The following UBE3C variants were observed in gnomAD, a reference collection of about 807,000 sequenced individuals.
UBE3C encodes ubiquitin protein ligase E3C.
In UBE3C, 42 loss-of-function variants were observed where a neutral mutation model predicts 129.4. That is an observed-to-expected ratio of 0.32 (90% CI 0.25 to 0.42). UBE3C has a LOEUF of 0.42. UBE3C is among the 10% of genes least tolerant of loss of function. The probability of loss-of-function intolerance (pLI) is 1.00; values close to 1 mark genes in which losing one functional copy is unlikely to be tolerated. For synonymous variants in UBE3C, 510 were observed against 492.4 expected, an observed-to-expected ratio of 1.04 and a Z score of -0.47; for missense variants, 1,049 against 1,319.1, an observed-to-expected ratio of 0.80 and a Z score of 3.17.
At position 157,231,074 on chromosome 7, in the gene UBE3C, TAACA is replaced by T; in HGVS notation, c.2234-5_2234-2del. 6.2e-7 allele frequency: 1 copy of T among 1,611,386 alleles called. No homozygotes were observed. The highest frequency in any genetic ancestry group is 1.7e-5 in the Admixed American group (1 of 59,570). On this transcript the variant is annotated splice_acceptor_variant and splice_polypyrimidine_tract_variant and intron_variant, in intron 17 of 22. Coordinates refer to ENST00000348165, the MANE Select transcript of UBE3C (RefSeq NM_014671.3). LOFTEE classifies it high-confidence loss of function. ...TCCTCCTCACCCTCCCATTTTTTTT[TAACA>T]GAGCCTGATTTGAAAAAGCGGATCC...
At position 157,258,636 on chromosome 7, in the gene UBE3C, T is replaced by C. The variant is rs571218340; in HGVS notation, c.3081+1592T>C. Among the ~76,000 whole-genome samples the C allele has an allele frequency of 1.8e-4, 27 of 152,262 alleles. 1 individual carries two copies. The South Asian group carries it at 5.6e-3, about 32-fold the overall frequency. Reference sequence around the variant, plus strand: ...CTCCATGCCCGGCTAATTTTTGTATTTTTAGTAGAGACGGGGTTTCACCAT... The same window carrying C: ...CTCCATGCCCGGCTAATTTTTGTATCTTTAGTAGAGACGGGGTTTCACCAT... On this transcript the variant is annotated intron_variant, in intron 22 of 22. Coordinates refer to ENST00000348165, the MANE Select transcript of UBE3C (RefSeq NM_014671.3).
chr7:157,248,337 A>T, intron 18 of UBE3C, 31 bp from the exon 19 acceptor site: 1 of 1,593,530 alleles, frequency 6.3e-7, no homozygotes, highest in African/African-American at 1.3e-5. Flanking sequence ...TGTATATTCG[A>T]TGCTAACGTT....
chr7:157,223,740 T>C lies in UBE3C; in HGVS notation c.2100+389T>C, dbSNP rs144226991. ...TTTAAGACCAGCCTGGGAAACATAG[T>C]GAAACCCTGTCTCTACAAAGAATAC... On this transcript the variant is annotated intron_variant, in intron 16 of 22. Coordinates refer to ENST00000348165, the MANE Select transcript of UBE3C (RefSeq NM_014671.3). Among the ~76,000 whole-genome samples the C allele has an allele frequency of 3.5e-3, 527 of 152,186 alleles. 16 individuals carry two copies. The South Asian group carries it at 0.047, about 14-fold the overall frequency.
rs1809465176 is a variant in UBE3C, at chr7:157,207,480, T to G, written c.1501T>G (p.Tyr501Asp). 1 of 1,613,836 alleles carries G rather than the reference T, an allele frequency of 6.2e-7. No homozygotes were observed. The highest frequency in any genetic ancestry group is 1.3e-5 in the African/African-American group (1 of 74,920). Reference protein sequence around the residue: ...EDSSRIIPLFYLFSSLFSHSL... With the variant: ...EDSSRIIPLFDLFSSLFSHSL... ...TTCTAGTCGAATCATCCCACTCTTTTATCTTTTTAGCTCCTTGTTTAGTCA... is the reference window on the plus strand; with the variant it reads ...TTCTAGTCGAATCATCCCACTCTTTGATCTTTTTAGCTCCTTGTTTAGTCA... Residue 501 changes from tyrosine (Y) to aspartate (D), a missense_variant, in exon 12 of 23, where the codon TAT becomes GAT. Physicochemically the swap from Tyr to Asp is radical, Grantham distance 160. Around this residue, in one of 4 missense-constraint regions of UBE3C, gnomAD observed 314 missense variants for 416.9 expected, o/e 0.75. Coordinates refer to ENST00000348165, the MANE Select transcript of UBE3C (RefSeq NM_014671.3).
chr7:157,164,406 C>T (rs1353896574), intron 2 of UBE3C: 1 of 456,672 alleles, frequency 2.2e-6, no homozygotes, highest in Non-Finnish European at 4.4e-6. Context: ...TCGCCTCCCT[C>T]ATTTTCCCAA....
At chr7:157,145,374 C>T (rs1199096428) in intron 1 of UBE3C, among the ~76,000 whole-genome samples, 2 of 152,066 alleles carry the variant, frequency 1.3e-5, no homozygotes, top group African/African-American at 2.4e-5. Flanking sequence ...AAAAATTAGC[C>T]AGGCGTGGTG....
chr7:157,145,046 C>T (rs1270734606), intron 1 of UBE3C, among the ~76,000 whole-genome samples: 2 of 151,984 alleles, frequency 1.3e-5, no homozygotes, highest in African/African-American at 2.4e-5. Flanking sequence ...TTTAGGAGGC[C>T]GAGGTAGGCA....
intron 10 of UBE3C, chr7:157,197,987 T>G: frequency 6.2e-7 from 1 of 1,609,228 alleles, no homozygotes; most frequent in African/African-American, 1.3e-5. Flanking sequence ...TTATGTATTC[T>G]TGATCCTGAT....
intron 14 of UBE3C, among the ~76,000 whole-genome samples, chr7:157,219,940 G>T (rs907243490): frequency 6.6e-6 from 1 of 152,026 alleles, no homozygotes; most frequent in Admixed American, 6.6e-5. Context: ...GCCGGGTGTG[G>T]TGGCTCACGC....
chr7:157,241,519 G>A (rs564229269), intron 18 of UBE3C, among the ~76,000 whole-genome samples: 7 of 152,360 alleles, frequency 4.6e-5, no homozygotes, highest in South Asian at 2.1e-4. Flanking sequence ...ACAGGCTGCC[G>A]CGCACACCCG....
At chr7:157,158,039 ACT>A (rs1807963667) in intron 1 of UBE3C, among the ~76,000 whole-genome samples, 1 of 132,382 alleles carries the variant, frequency 7.6e-6, no homozygotes, top group South Asian at 2.4e-4. Context: ...CAATCTGTAC[ACT>A]CTTTTTTCCT....
intron 18 of UBE3C, among the ~76,000 whole-genome samples, chr7:157,241,898 G>A (rs1281737743): frequency 6.6e-6 from 1 of 152,198 alleles, no homozygotes; most frequent in Non-Finnish European, 1.5e-5. Flanking sequence ...CCCGGTGAGA[G>A]CAGATGCAGA....
intron 13 of UBE3C, among the ~76,000 whole-genome samples, chr7:157,216,483 C>G (rs1011176130): frequency 6.6e-5 from 10 of 151,946 alleles, no homozygotes; most frequent in Admixed American, 1.3e-4. Flanking sequence ...CAGTAGTCAT[C>G]TTCTCTGCCC....
intron 22 of UBE3C, among the ~76,000 whole-genome samples, chr7:157,264,272 T>C (rs1448967055): frequency 7.9e-6 from 1 of 126,848 alleles, no homozygotes; most frequent in Admixed American, 8.5e-5. Flanking sequence ...GTACTACAGG[T>C]GTAAGCCAAC....
chr7:157,249,599 C>T (rs1796570908), intron 19 of UBE3C, among the ~76,000 whole-genome samples: 1 of 152,224 alleles, frequency 6.6e-6, no homozygotes, highest in South Asian at 2.1e-4. Context: ...AGGCGTGAGC[C>T]ACCGTGGCCG....
At position 157,163,872 on chromosome 7, in the gene UBE3C, A is replaced by G; in HGVS notation, c.120+9A>G. On this transcript the variant is annotated intron_variant, in intron 2 of 22. Transcript: ENST00000348165. ...AAAGAAGAAAGAGAGAGGTAAAAAC[A>G]GTTTTGTAATACTCTGTAGATAAGC... The G allele has an allele frequency of 1.2e-6, 2 of 1,613,082 alleles. No homozygotes were observed. Among genetic ancestry groups the G allele is most frequent in the African/African-American group, 1.3e-5 (1 of 74,998 alleles).
rs766237206 is a variant in UBE3C at position 157,170,421 on chromosome 7, T to A, written c.313T>A (p.Tyr105Asn). 6.4e-7 allele frequency: 1 copy of A among 1,561,712 alleles called. No individual in the cohort carries two copies. The highest frequency in any genetic ancestry group is 2.1e-5 in the Admixed American group (1 of 48,698). Residue 105 changes from tyrosine (Y) to asparagine (N), a missense_variant, in exon 4 of 23, where the codon TAC (tyrosine) becomes AAC (asparagine). Tyr to Asn is a moderately radical substitution (Grantham distance 143). Around this residue, in one of 4 missense-constraint regions of UBE3C, gnomAD observed 489 missense variants for 513.8 expected, o/e 0.95. Coordinates refer to ENST00000348165, the MANE Select transcript of UBE3C (RefSeq NM_014671.3). ...TTTGGTAAGGCAGCTTCTGTTTTTT[T>A]ACAAACAAAATGAAGACTCAAAACG... ...TLLVRQLLFF[Y>N]KQNEDSKRLI... is the part of the protein sequence containing the mutation.
chr7:157,181,568 A>G lies in UBE3C; in HGVS notation c.667A>G (p.Ile223Val), dbSNP rs1322483088. Residue 223 changes from isoleucine (I) to valine (V), a missense_variant, in exon 7 of 23, where the codon ATT becomes GTT. Coordinates refer to ENST00000348165, the MANE Select transcript of UBE3C (RefSeq NM_014671.3). ...GATTAACAGCAAGCTTCCATCAAGT[A>G]TTGAATATTCTGATTTATCTCGAGT... ...LLINSKLPSS[I>V]EYSDLSRVPI... The G allele has an allele frequency of 1.2e-6, 2 of 1,613,420 alleles. No individual in the cohort carries two copies. Among genetic ancestry groups the G allele is most frequent in the South Asian group, 1.1e-5 (1 of 90,916 alleles).
chr7:157,266,325 TAAATA>T (rs1281106016), intron 22 of UBE3C, among the ~76,000 whole-genome samples: 3 of 152,112 alleles, frequency 2.0e-5, no homozygotes, highest in Non-Finnish European at 4.4e-5. Flanking sequence ...AAAAAATAAA[TAAATA>T]AAAATAATAG....
Sources: gnomAD v4.1 joint callset for allele counts (sites outside exome capture counted in the v4.1 genomes callset) on GRCh38, gnomAD v4.1.1 for gene constraint, gnomAD v4.1.1 regional missense constraint, MANE v1.5 for transcripts, NCBI Gene and HGNC (gene_info 2026-07-23, HGNC 2026-07-21) for gene names.